Variants in THNSL1 observed in about 807,000 individuals in gnomAD.
The protein encoded by THNSL1 is threonine synthase like 1.
In THNSL1, 48 loss-of-function variants were observed where a neutral mutation model predicts 50.4. The ratio of observed to expected loss-of-function variants is 0.95; its 90% CI spans 0.76 to 1.21. The LOEUF is 1.21. THNSL1 is among the 50% of genes most tolerant of loss of function. The pLI is 0.00. For missense variants in THNSL1, 896 were observed against 871.7 expected (o/e 1.03, Z -0.35); for synonymous variants, 309 against 306.1 (o/e 1.01, Z -0.10).
the THNSL1 span, among the ~76,000 whole-genome samples, chr10:24,986,363 A>T: frequency 6.6e-6 from 1 of 152,172 alleles, no homozygotes; most frequent in Non-Finnish European, 1.5e-5. Context: ...TTCTTGAGTG[A>T]GCTAAGGATC....
At chr10:25,018,659 G>GTTT (rs374289213) in intron 1 of THNSL1, among the ~76,000 whole-genome samples, 1,125 of 93,518 alleles carry the variant, frequency 0.012, 61 homozygotes, top group Middle Eastern at 0.027. Context: ...AATGAGAGTT[G>GTTT]TTTTTTTTTT....
rs368313374 is a variant in THNSL1, at chr10:25,024,596, C to A, written c.1373C>A (p.Thr458Asn). 1.4e-5 allele frequency: 22 copies of A among 1,614,034 alleles called. No homozygotes were observed. Among genetic ancestry groups the A allele is most frequent in the Non-Finnish European group, 1.9e-5 (22 of 1,180,028 alleles). The change falls in exon 3 of 3, where the codon ACT becomes AAT. Residue 458 changes from threonine (T) to asparagine (N), a missense_variant. Thr to Asn is a moderately conservative substitution (Grantham distance 65). Transcript: ENST00000376356. ...FNDSDFTGFL[T>N]VEYGTILSSA... Reference sequence around the variant, plus strand: ...GATTCTGATTTTACTGGCTTTCTTACTGTGGAATATGGAACAATCTTAAGT... The same window carrying A: ...GATTCTGATTTTACTGGCTTTCTTAATGTGGAATATGGAACAATCTTAAGT...
At position 25,021,632 on chromosome 10, in the gene THNSL1, C is replaced by G. The variant is rs1038148044; in HGVS notation, c.-215-110C>G. Reference sequence around the variant, plus strand: ...AAACATATGAAAAGGGTCAATTTTTCTGTATTTTTAAAATTTCAGATGAGC... The same window carrying G: ...AAACATATGAAAAGGGTCAATTTTTGTGTATTTTTAAAATTTCAGATGAGC... On this transcript the variant is annotated intron_variant, in intron 1 of 2. Transcript: ENST00000376356. The G allele has an allele frequency of 9.2e-5, 14 of 152,198 alleles. No individual in the cohort carries two copies. The East Asian group carries it at 2.7e-3, about 29-fold the overall frequency. The allele number at this position is 152,198 out of a possible 1,614,324, so 9.4% of individuals were successfully genotyped here.
At chr10:25,002,652 G>A in the THNSL1 span, among the ~76,000 whole-genome samples, 2 of 152,106 alleles carry the variant, frequency 1.3e-5, no homozygotes, top group Admixed American at 6.6e-5. Flanking sequence ...GTTGAAAGCA[G>A]TTCAGCTATA....
In THNSL1 at chr10:25,023,371, C is replaced by G. The variant is rs778494897; in HGVS notation, c.148C>G (p.His50Asp). 1 of 1,614,104 alleles carries G rather than the reference C, an allele frequency of 6.2e-7. No homozygotes were observed. Among genetic ancestry groups the G allele is most frequent in the East Asian group, 2.2e-5 (1 of 44,878 alleles). ...AELRKSWYST[H>D]SLVGDKNIIL... ...ATTGAGGAAGTCATGGTATTCAACCCACTCTCTTGTTGGAGACAAAAATAT... is the reference window on the plus strand; with the variant it reads ...ATTGAGGAAGTCATGGTATTCAACCGACTCTCTTGTTGGAGACAAAAATAT... The change falls in exon 3 of 3, where the codon CAC (histidine) becomes GAC (aspartate). Residue 50 changes from histidine to aspartate, a missense_variant. By Grantham distance (81) the His-to-Asp change is moderately conservative. Coordinates refer to ENST00000376356, the MANE Select transcript of THNSL1 (RefSeq NM_024838.5).
At chr10:25,005,452 G>A in the THNSL1 span, among the ~76,000 whole-genome samples, 20 of 151,952 alleles carry the variant, frequency 1.3e-4, no homozygotes, top group Non-Finnish European at 4.4e-5. Flanking sequence ...GTTTGAAAGT[G>A]CTTAATTGAG....
chr10:24,988,394 TTATA>T, the THNSL1 span, among the ~76,000 whole-genome samples: 2 of 145,742 alleles, frequency 1.4e-5, no homozygotes, highest in Non-Finnish European at 3.0e-5. Context: ...GTGTATATAT[TTATA>T]TATGTGTATA....
the THNSL1 span, among the ~76,000 whole-genome samples, chr10:24,989,616 AAT>A: frequency 6.6e-6 from 1 of 152,242 alleles, no homozygotes; most frequent in Admixed American, 6.5e-5. Context: ...TGCCTTTTAA[AAT>A]ATCCTCAGGG....
chr10:24,996,074 G>A, the THNSL1 span, among the ~76,000 whole-genome samples: 7 of 151,944 alleles, frequency 4.6e-5, no homozygotes, highest in Admixed American at 2.0e-4. Context: ...TGTCAATCAG[G>A]CCTCAATAAA....
the THNSL1 span, among the ~76,000 whole-genome samples, chr10:25,004,719 A>G: frequency 2.0e-5 from 3 of 151,930 alleles, no homozygotes; most frequent in South Asian, 6.2e-4. Flanking sequence ...TAGGTTGTTT[A>G]CTCTGTTGAT....
the THNSL1 span, among the ~76,000 whole-genome samples, chr10:24,977,030 G>A: frequency 1.7e-4 from 26 of 152,108 alleles, no homozygotes; most frequent in Non-Finnish European, 2.8e-4. Context: ...AAAAACATAG[G>A]CATTAAAAAT....
chr10:25,024,517 G>C lies in THNSL1; in HGVS notation c.1294G>C (p.Gly432Arg). 6.2e-7 allele frequency: 1 copy of C among 1,614,188 alleles called. No homozygotes were observed. The highest frequency in any genetic ancestry group is 1.1e-5 in the South Asian group (1 of 91,078). ...GSQRENGWAV[G>R]VESDFDFCQT... ...TCAGAGAGAAAATGGATGGGCAGTG[G>C]GTGTTGAGTCAGATTTTGATTTTTG... Residue 432 changes from glycine to arginine, a missense_variant, in exon 3 of 3, where the codon GGT becomes CGT. Physicochemically the swap from Gly to Arg is moderately radical, Grantham distance 125. Transcript: ENST00000376356.
the THNSL1 span, chr10:24,984,889 C>T: frequency 1.2e-6 from 2 of 1,612,464 alleles, no homozygotes; most frequent in East Asian, 4.5e-5. Flanking sequence ...CACCTCTTCC[C>T]AGTTCTTTTT....
chr10:25,004,176 A>G, the THNSL1 span, among the ~76,000 whole-genome samples: 1 of 152,186 alleles, frequency 6.6e-6, no homozygotes, highest in Non-Finnish European at 1.5e-5. Context: ...CCAGTCTATC[A>G]CTGATGGGCA....
Position 25,025,039 on chromosome 10 carries a change from C to T in THNSL1, c.1816C>T (p.Leu606=). 1 of 1,614,192 alleles carries T rather than the reference C, an allele frequency of 6.2e-7. No homozygotes were observed. The highest frequency in any genetic ancestry group is 1.7e-4 in the Middle Eastern group (1 of 6,060). ...GCATCATTTCCAGATAGAAAAGGCT[C>T]TAGTTGAGAAACTTCAGCAGGATTT... The part of the protein sequence containing the change: ...SQHHFQIEKA[L]VEKLQQDFVA... The change falls in exon 3 of 3, where the codon CTA becomes TTA. Residue 606 remains leucine, a synonymous_variant. Coordinates refer to ENST00000376356, the MANE Select transcript of THNSL1 (RefSeq NM_024838.5).
the THNSL1 span, among the ~76,000 whole-genome samples, chr10:24,978,027 T>C: frequency 6.6e-5 from 10 of 152,206 alleles, no homozygotes; most frequent in Non-Finnish European, 1.3e-4. Flanking sequence ...GTTTCCTATA[T>C]AGGCACCTCG....
the THNSL1 span, among the ~76,000 whole-genome samples, chr10:24,999,109 A>G: frequency 3.9e-5 from 6 of 152,194 alleles, no homozygotes; most frequent in Admixed American, 3.9e-4. Context: ...GACTTTTCCT[A>G]TAATTGTTGT....
At chr10:24,952,530 C>T in the THNSL1 span, 1 of 1,586,846 alleles carries the variant, frequency 6.3e-7, no homozygotes, top group Middle Eastern at 1.7e-4. The surrounding 1 kb of genome is among the most constrained non-coding windows in gnomAD (Gnocchi z 5.1). Flanking sequence ...GCATTTACCA[C>T]GACGCCTCGC....
chr10:24,963,167 C>CA, the THNSL1 span, among the ~76,000 whole-genome samples: 2 of 152,148 alleles, frequency 1.3e-5, no homozygotes, highest in Non-Finnish European at 2.9e-5. Flanking sequence ...ATGGGTGACT[C>CA]AGACTTTTCT....
Sources: gnomAD v4.1 joint callset for allele counts (sites outside exome capture counted in the v4.1 genomes callset) on GRCh38, gnomAD v4.1.1 for gene constraint, Gnocchi (gnomAD v3.1) non-coding constraint, MANE v1.5 for transcripts, NCBI Gene and HGNC (gene_info 2026-07-23, HGNC 2026-07-21) for gene names.